The following LHFPL2 variants were observed in gnomAD, a reference collection of about 807,000 sequenced individuals.
LHFPL2 encodes LHFPL tetraspan subfamily member 2 protein.
Under a neutral mutation model 17.5 loss-of-function variants are expected in LHFPL2, and 7 were observed. The observed-to-expected ratio is 0.40, with a 90% CI of 0.23 to 0.75. The LOEUF (loss-of-function observed/expected upper bound fraction) is 0.75. Ranked by LOEUF, LHFPL2 falls within the 30% of genes least tolerant of loss-of-function variation. The pLI is 0.37. For synonymous variants in LHFPL2, 134 were observed against 116.2 expected (o/e 1.15, Z -0.99); for missense variants, 241 against 294.8 (o/e 0.82, Z 1.34).
chr5:78,586,013 C>T (rs1051448300), intron 2 of LHFPL2, among the ~76,000 whole-genome samples: 11 of 152,186 alleles, frequency 7.2e-5, no homozygotes, highest in African/African-American at 1.9e-4. Context: ...ACATGGTTCA[C>T]GTCTCTAAAG....
intron 4 of LHFPL2, among the ~76,000 whole-genome samples, chr5:78,501,125 T>C (rs1174680000): frequency 6.6e-6 from 1 of 152,236 alleles, no homozygotes; most frequent in Admixed American, 6.5e-5. Flanking sequence ...TCCTACACTT[T>C]CTGGACTTTA....
chr5:78,598,530 C>T (rs1474580727), intron 2 of LHFPL2, among the ~76,000 whole-genome samples: 1 of 152,150 alleles, frequency 6.6e-6, no homozygotes, highest in Non-Finnish European at 1.5e-5. Context: ...GTTGTTAGAA[C>T]AGAAGTACCT....
intron 2 of LHFPL2, among the ~76,000 whole-genome samples, chr5:78,578,942 T>C (rs1286406774): frequency 6.6e-6 from 1 of 152,238 alleles, no homozygotes; most frequent in African/African-American, 2.4e-5. Context: ...TCTTGCTCCC[T>C]GCTCCTAGAA....
intron 2 of LHFPL2, among the ~76,000 whole-genome samples, chr5:78,627,132 G>T (rs183767322): frequency 6.6e-6 from 1 of 152,152 alleles, no homozygotes; most frequent in Non-Finnish European, 1.5e-5. Flanking sequence ...AATGTATGCA[G>T]TAGAGAGGGA....
chr5:78,616,827 C>T (rs144354283), intron 2 of LHFPL2, among the ~76,000 whole-genome samples: 9 of 152,272 alleles, frequency 5.9e-5, no homozygotes, highest in African/African-American at 1.7e-4. Context: ...GTTTGCATTT[C>T]GGCAGAGATC....
intron 3 of LHFPL2, among the ~76,000 whole-genome samples, chr5:78,562,319 C>T (rs990158841): frequency 1.3e-5 from 2 of 152,182 alleles, no homozygotes; most frequent in South Asian, 2.1e-4. Context: ...TCCACAGAGA[C>T]GGAACCTCTG....
At position 78,648,183 on chromosome 5, in the gene LHFPL2, C is replaced by G. The variant is rs1013693642; in HGVS notation, c.-350+316G>C. On this transcript the variant is annotated intron_variant, in intron 1 of 4. Transcript: ENST00000380345. This position sits in a 1 kb window ranked among gnomAD's most constrained non-coding sequence, Gnocchi z 5.4. ...AAGCCCGCCAGCGACGCCCAGAGAG[C>G]AGGGCTCGCGCCGGCTTCCCGAGGA... Among the ~76,000 whole-genome samples the G allele has an allele frequency of 6.6e-6, 1 of 152,160 alleles. No homozygotes were observed. The highest frequency in any genetic ancestry group is 2.4e-5 in the African/African-American group (1 of 41,450).
intron 3 of LHFPL2, among the ~76,000 whole-genome samples, chr5:78,546,638 A>C (rs1011116541): frequency 1.3e-5 from 2 of 152,202 alleles, no homozygotes; most frequent in South Asian, 4.1e-4. Context: ...GAACACCACA[A>C]TCTGGCAGAA....
rs140281644 is a variant in LHFPL2, at chr5:78,576,496, T to C, written c.-244-11625A>G. Among the ~76,000 whole-genome samples, 1,028 of 152,226 alleles carry C rather than the reference T, an allele frequency of 6.8e-3. 12 individuals are homozygous for C. Among genetic ancestry groups the C allele is most frequent in the African/African-American group, 0.023 (976 of 41,550 alleles). On this transcript the variant is annotated intron_variant, in intron 2 of 4. Coordinates refer to ENST00000380345, the MANE Select transcript of LHFPL2 (RefSeq NM_005779.3). Reference sequence around the variant, plus strand: ...AAAAACAAGTCCTCCCCACAGGTGCTCATGAACCATGAGCTGTGTCTCTTT... The same window carrying C: ...AAAAACAAGTCCTCCCCACAGGTGCCCATGAACCATGAGCTGTGTCTCTTT...
chr5:78,542,114 G>GC, intron 3 of LHFPL2, among the ~76,000 whole-genome samples: 1 of 130,274 alleles, frequency 7.7e-6, no homozygotes, highest in African/African-American at 2.6e-5. Flanking sequence ...CTGTCATTAA[G>GC]CTTTTTTTTT....
intron 2 of LHFPL2, among the ~76,000 whole-genome samples, chr5:78,572,462 ATATACATGTG>A (rs1471686025): frequency 7.1e-6 from 1 of 141,504 alleles, no homozygotes; most frequent in African/African-American, 3.1e-5. Flanking sequence ...ATGTATGTGT[ATATACATGTG>A]TATATATATG....
intron 2 of LHFPL2, among the ~76,000 whole-genome samples, chr5:78,579,252 G>T (rs1009399605): frequency 6.6e-6 from 1 of 152,084 alleles, no homozygotes; most frequent in Non-Finnish European, 1.5e-5. Flanking sequence ...GGGGGAGCAG[G>T]AGAGGGTGGA....
rs183113296 is a variant in LHFPL2 at position 78,562,398 on chromosome 5, C to T, written c.-186+2415G>A. 7.9e-3 allele frequency among the ~76,000 whole-genome samples: 1,201 copies of T among 152,188 alleles called. 13 individuals are homozygous for T. Among genetic ancestry groups the T allele is most frequent in the African/African-American group, 0.026 (1,064 of 41,532 alleles). ...TGCTCTTTGCTCAAAACAAACCTTC[C>T]ACCAAGTTCATATAATGCGACTGAC... On this transcript the variant is annotated intron_variant, in intron 3 of 4. Transcript: ENST00000380345.
At chr5:78,546,871 T>C (rs1040131093) in intron 3 of LHFPL2, among the ~76,000 whole-genome samples, 4 of 152,218 alleles carry the variant, frequency 2.6e-5, no homozygotes, top group Admixed American at 1.3e-4. Context: ...TAAAGAGGTT[T>C]CTCTCTGTTT....
Position 78,613,144 on chromosome 5 carries a change from T to C in LHFPL2, c.-245+19120A>G, listed in dbSNP as rs976846190. On this transcript the variant is annotated intron_variant, in intron 2 of 4. Transcript: ENST00000380345. ...GGAATGAGGCCAAGGCCACAGAATATACTGCTTAGAGGTCAACTTCCCTTA... is the reference window on the plus strand; with the variant it reads ...GGAATGAGGCCAAGGCCACAGAATACACTGCTTAGAGGTCAACTTCCCTTA... Among the ~76,000 whole-genome samples the C allele has an allele frequency of 4.6e-5, 7 of 152,188 alleles. 1 individual carries two copies. Among genetic ancestry groups the C allele is most frequent in the Admixed American group, 3.9e-4 (6 of 15,282 alleles).
chr5:78,498,351 T>C (rs910080795), intron 4 of LHFPL2, among the ~76,000 whole-genome samples: 2 of 152,122 alleles, frequency 1.3e-5, no homozygotes, highest in Non-Finnish European at 2.9e-5. Context: ...GGTGACTGAG[T>C]AATAAGCAGC....
At chr5:78,546,630 A>C (rs1032613608) in intron 3 of LHFPL2, among the ~76,000 whole-genome samples, 2 of 152,222 alleles carry the variant, frequency 1.3e-5, no homozygotes, top group African/African-American at 4.8e-5. Context: ...CTTACTTAGA[A>C]CACCACAATC....
At chr5:78,627,068 C>T (rs895875413) in intron 2 of LHFPL2, among the ~76,000 whole-genome samples, 10 of 148,134 alleles carry the variant, frequency 6.8e-5, no homozygotes, top group African/African-American at 2.6e-4. Flanking sequence ...GCAACGAGAG[C>T]GAAACTCCAT....
intron 3 of LHFPL2, among the ~76,000 whole-genome samples, chr5:78,560,907 A>C (rs968260740): frequency 2.5e-4 from 38 of 152,244 alleles, no homozygotes; most frequent in Admixed American, 2.2e-3. Flanking sequence ...CTGTGCAATA[A>C]AAATATTACT....
Sources: gnomAD v4.1 joint callset for allele counts (sites outside exome capture counted in the v4.1 genomes callset) on GRCh38, gnomAD v4.1.1 for gene constraint, Gnocchi (gnomAD v3.1) non-coding constraint, MANE v1.5 for transcripts, NCBI Gene and HGNC (gene_info 2026-07-23, HGNC 2026-07-21) for gene names.